The following SLC22A24 variants were observed in gnomAD, a reference collection of about 807,000 sequenced individuals.
SLC22A24 encodes solute carrier family 22 member 24.
In SLC22A24, 53 loss-of-function variants were observed where a neutral mutation model predicts 49.8. That is an observed-to-expected ratio of 1.06 (90% CI 0.85 to 1.34). The LOEUF is 1.34. Among genes scored for constraint, SLC22A24 ranks in the 40% most tolerant of loss-of-function variants. The pLI, the probability that SLC22A24 is intolerant of heterozygous loss-of-function variation, is 0.00. For missense variants in SLC22A24, 786 were observed against 675.9 expected (o/e 1.16, Z -1.81); for synonymous variants, 302 against 256.4 (o/e 1.18, Z -1.70).
At chr11:63,099,040 G>A (rs982863197) in intron 5 of SLC22A24, among the ~76,000 whole-genome samples, 2 of 152,028 alleles carry the variant, frequency 1.3e-5, no homozygotes, top group Non-Finnish European at 2.9e-5. Flanking sequence ...CTAGTCACAT[G>A]CAACTTATCA....
intron 1 of SLC22A24, among the ~76,000 whole-genome samples, 181 bp from the exon 2 acceptor site, chr11:63,134,949 T>C (rs988246990): frequency 6.6e-6 from 1 of 152,156 alleles, no homozygotes. Flanking sequence ...AATACTAAAC[T>C]TATTTCAACT....
intron 2 of SLC22A24, among the ~76,000 whole-genome samples, chr11:63,122,569 C>A (rs776001058): frequency 2.0e-5 from 3 of 152,132 alleles, no homozygotes; most frequent in East Asian, 1.9e-4. Flanking sequence ...GGCTGGAGTG[C>A]GGTGGTGCCA....
In SLC22A24 at chr11:63,081,063, C is replaced by T. The variant is rs1331020143; in HGVS notation, c.1455G>A (p.Leu485=). The change falls in exon 9 of 10, where the codon CTG becomes CTA. Residue 485 remains leucine (L), a synonymous_variant. Coordinates refer to ENST00000612278, the MANE Select transcript of SLC22A24 (RefSeq NM_001136506.2). The part of the protein sequence containing the change: ...SGRTGAALAP[L]LMTLMAYSPH... Reference sequence around the variant, plus strand: ...GAGAATACGCCATTAAGGTCATCAACAGAGGAGCCAGTGCTGCCCCAGTCC... The same window carrying T: ...GAGAATACGCCATTAAGGTCATCAATAGAGGAGCCAGTGCTGCCCCAGTCC... 10 of 1,551,564 alleles carry T rather than the reference C, an allele frequency of 6.4e-6. No homozygotes were observed. Among genetic ancestry groups the T allele is most frequent in the African/African-American group, 1.4e-5 (1 of 73,050 alleles).
chr11:63,107,596 CTT>C (rs2134654794), intron 4 of SLC22A24, among the ~76,000 whole-genome samples: 1 of 152,182 alleles, frequency 6.6e-6, no homozygotes, highest in African/African-American at 2.4e-5. Context: ...TTTGTGTCCT[CTT>C]TTATTTTTTT....
chr11:63,116,117 G>T, intron 4 of SLC22A24: 1 of 424,088 alleles, frequency 2.4e-6, no homozygotes, highest in Non-Finnish European at 4.1e-6. Context: ...GCTTTATGAG[G>T]GCCTTGATAG....
intron 4 of SLC22A24, 36 bp from the exon 5 acceptor site, chr11:63,104,334 T>G (rs1565328310): frequency 3.3e-6 from 5 of 1,521,318 alleles, no homozygotes; most frequent in Non-Finnish European, 3.5e-6. Context: ...TAGTAAACAA[T>G]TACTTATTTG....
chr11:63,137,070 GCAGGGTGTCTGTTTGTAGCTCCACCA>G (rs2087380540), intron 1 of SLC22A24, among the ~76,000 whole-genome samples: 1 of 152,006 alleles, frequency 6.6e-6, no homozygotes, highest in African/African-American at 2.4e-5. Context: ...TAGCCCCATT[GCAGGGTGTCTGTTTGTAGCTCCACCA>G]CAGGGTGTCT....
intron 6 of SLC22A24, among the ~76,000 whole-genome samples, chr11:63,094,906 A>G (rs894971729): frequency 2.0e-4 from 31 of 152,220 alleles, no homozygotes; most frequent in African/African-American, 6.0e-4. Context: ...AGTAGGTTGC[A>G]ACAATTTTCT....
chr11:63,136,028 G>T (rs2087371876), intron 1 of SLC22A24, among the ~76,000 whole-genome samples: 1 of 152,180 alleles, frequency 6.6e-6, no homozygotes, highest in African/African-American at 2.4e-5. Context: ...AAATTGGAAA[G>T]GTGAAAAAGC....
chr11:63,104,154 C>A, intron 5 of SLC22A24, 21 bp downstream of exon 5: 1 of 1,547,394 alleles, frequency 6.5e-7, no homozygotes, highest in Non-Finnish European at 8.7e-7. Flanking sequence ...TCACAGCAAT[C>A]ATTTCCCCTT....
intron 5 of SLC22A24, among the ~76,000 whole-genome samples, chr11:63,097,053 G>A (rs1034970371): frequency 6.6e-6 from 1 of 151,928 alleles, no homozygotes; most frequent in Non-Finnish European, 1.5e-5. Context: ...CAGGATATGG[G>A]AGACTTTTAC....
chr11:63,127,010 G>T (rs183931988), intron 2 of SLC22A24, among the ~76,000 whole-genome samples: 276 of 152,174 alleles, frequency 1.8e-3, no homozygotes, highest in African/African-American at 6.4e-3. Context: ...TTAAGTTCTA[G>T]GGTACATGTG....
intron 6 of SLC22A24, among the ~76,000 whole-genome samples, chr11:63,086,697 T>C (rs551539435): frequency 6.6e-6 from 1 of 152,236 alleles, no homozygotes; most frequent in East Asian, 1.9e-4. Flanking sequence ...TCCAAAACCA[T>C]TGGGTCAAAG....
chr11:63,125,742 A>C (rs2087285788), intron 2 of SLC22A24, among the ~76,000 whole-genome samples: 1 of 152,122 alleles, frequency 6.6e-6, no homozygotes, highest in Non-Finnish European at 1.5e-5. Context: ...ACTGTCTTCC[A>C]CAATGGCTGA....
At chr11:63,126,448 T>C (rs1326970401) in intron 2 of SLC22A24, among the ~76,000 whole-genome samples, 1 of 152,204 alleles carries the variant, frequency 6.6e-6, no homozygotes, top group East Asian at 1.9e-4. Context: ...TTGTCAGGTT[T>C]GTCAAAGATC....
chr11:63,122,841 A>T (rs912857727), intron 2 of SLC22A24, among the ~76,000 whole-genome samples: 1 of 152,154 alleles, frequency 6.6e-6, no homozygotes, highest in Non-Finnish European at 1.5e-5. Flanking sequence ...TTAAATTAAC[A>T]AATAATAGTT....
chr11:63,122,041 A>G (rs1422049359), intron 2 of SLC22A24, among the ~76,000 whole-genome samples: 2 of 152,214 alleles, frequency 1.3e-5, no homozygotes, highest in African/African-American at 4.8e-5. Flanking sequence ...ATTAACGAAG[A>G]TATTACCTCA....
chr11:63,107,648 C>A (rs1163125481), intron 4 of SLC22A24, among the ~76,000 whole-genome samples: 1 of 152,070 alleles, frequency 6.6e-6, no homozygotes, highest in Non-Finnish European at 1.5e-5. Context: ...AGTACTGTCA[C>A]ATCCCTTGTA....
chr11:63,093,905 G>A (rs2087035909), intron 6 of SLC22A24, among the ~76,000 whole-genome samples: 1 of 151,946 alleles, frequency 6.6e-6, no homozygotes, highest in Non-Finnish European at 1.5e-5. Context: ...TGCAGTCATT[G>A]GAATTATGAA....
Sources: allele counts gnomAD v4.1 joint callset (sites outside exome capture counted in the v4.1 genomes callset), GRCh38; gene constraint gnomAD v4.1.1; transcripts MANE v1.5; gene names NCBI Gene and HGNC (gene_info 2026-07-23, HGNC 2026-07-21).